IRAG2: variants seen among roughly 807,000 people sequenced by gnomAD.
IRAG2 encodes the protein lymphoid restricted membrane protein.
A neutral mutation model predicts 69.9 loss-of-function variants in IRAG2; 45 were observed. That is an observed-to-expected ratio of 0.64 (90% CI 0.51 to 0.83). The LOEUF (loss-of-function observed/expected upper bound fraction) is 0.83. IRAG2 is among the 40% of genes least tolerant of loss of function. The probability of loss-of-function intolerance (pLI) is 0.00; values close to 1 mark genes in which losing one functional copy is unlikely to be tolerated. For synonymous variants in IRAG2, 193 were observed against 202.4 expected (o/e 0.95, Z 0.40); for missense variants, 520 against 587.0 (o/e 0.89, Z 1.18).
intron 20 of IRAG2, among the ~76,000 whole-genome samples, chr12:25,106,395 ATATT>A (rs1394821447): frequency 5.5e-5 from 8 of 146,262 alleles, no homozygotes; most frequent in African/African-American, 1.5e-4. Context: ...ATGTGTGTAT[ATATT>A]ATAAACTTTG....
chr12:25,077,033 G>T (rs1458956887), intron 6 of IRAG2, among the ~76,000 whole-genome samples: 1 of 150,626 alleles, frequency 6.6e-6, no homozygotes, highest in African/African-American at 2.4e-5. Context: ...ACACCACTGT[G>T]CCCTGCTCAT....
intron 9 of IRAG2, among the ~76,000 whole-genome samples, chr12:25,080,634 G>T (rs919172742): frequency 2.0e-5 from 3 of 152,266 alleles, no homozygotes; most frequent in Non-Finnish European, 4.4e-5. Flanking sequence ...TTACAGGTGT[G>T]AGCCACCGCG....
At chr12:25,039,620 C>T (rs550653132) in intron 16 of IRAG2, among the ~76,000 whole-genome samples, 45 of 152,230 alleles carry the variant, frequency 3.0e-4, no homozygotes, top group Admixed American at 5.9e-4. Flanking sequence ...TTAGTAGAGA[C>T]GGGGTTTCAC....
exon 10 of IRAG2, chr12:25,030,295 TGAG>T: frequency 1.6e-6 from 2 of 1,231,722 alleles, no homozygotes; most frequent in Non-Finnish European, 2.0e-6. Flanking sequence ...TACACACATA[TGAG>T]AACACTTTGC....
upstream of IRAG2, among the ~76,000 whole-genome samples, chr12:25,000,990 A>G (rs1218633967): frequency 6.6e-6 from 1 of 152,226 alleles, no homozygotes; most frequent in Non-Finnish European, 1.5e-5. Context: ...GAGACAGGAG[A>G]TATTTCCAAG....
Position 25,061,617 on chromosome 12 carries a change from G to A in IRAG2, c.-421G>A, listed in dbSNP as rs1033886586. 4 of 398,454 alleles carry A rather than the reference G, an allele frequency of 1.0e-5. No homozygotes were observed. The highest frequency in any genetic ancestry group is 6.2e-4 in the Middle Eastern group (1 of 1,610). The allele number at this position is 398,454 out of a possible 1,614,324, so 24.7% of individuals were successfully genotyped here. On this transcript the variant is annotated 5_prime_UTR_variant, in exon 2 of 22. Coordinates refer to ENST00000556887, the MANE Select transcript of IRAG2 (RefSeq NM_001366544.2). ...CAACAATTGAGTCACTTCAAAAGGA[G>A]TTCATTGAAGGGGAACACCATGGCT...
At chr12:24,998,296 C>A in the IRAG2 span, among the ~76,000 whole-genome samples, 1 of 150,136 alleles carries the variant, frequency 6.7e-6, no homozygotes, top group Non-Finnish European at 1.5e-5. Flanking sequence ...CTAGCCTATA[C>A]CAGCTTGCAT....
chr12:25,006,598 T>G (rs1359919875), intron 2 of IRAG2, among the ~76,000 whole-genome samples: 2 of 152,200 alleles, frequency 1.3e-5, no homozygotes, highest in African/African-American at 4.8e-5. Flanking sequence ...TGGAGGCTAT[T>G]ATCCTAAGCG....
chr12:25,040,988 A>C (rs1315907730), intron 16 of IRAG2, among the ~76,000 whole-genome samples: 1 of 151,998 alleles, frequency 6.6e-6, no homozygotes, highest in Non-Finnish European at 1.5e-5. Context: ...ACAGAGAATG[A>C]CTGGGAGCAT....
At chr12:25,009,036 C>G (rs939659215) in intron 2 of IRAG2, among the ~76,000 whole-genome samples, 2 of 152,088 alleles carry the variant, frequency 1.3e-5, no homozygotes, top group Non-Finnish European at 2.9e-5. Context: ...GACATGGTAG[C>G]TCATGCCTGT....
At chr12:25,058,223 G>A (rs1945398602) in intron 1 of IRAG2, among the ~76,000 whole-genome samples, 2 of 152,180 alleles carry the variant, frequency 1.3e-5, no homozygotes, top group Non-Finnish European at 2.9e-5. Context: ...AGCAGTGTGG[G>A]TGGTTTTAGT....
chr12:25,007,807 C>A (rs1381387364), intron 2 of IRAG2, among the ~76,000 whole-genome samples: 3 of 152,194 alleles, frequency 2.0e-5, no homozygotes, highest in African/African-American at 7.2e-5. Context: ...CAGGTGTGAG[C>A]CACTGCACCC....
intron 16 of IRAG2, among the ~76,000 whole-genome samples, chr12:25,041,018 A>G (rs1441293362): frequency 3.5e-4 from 53 of 152,222 alleles, no homozygotes; most frequent in Non-Finnish European, 2.9e-5. Flanking sequence ...AATAGCCAGG[A>G]AAGTCCTGCC....
intron 3 of IRAG2, among the ~76,000 whole-genome samples, chr12:25,014,065 C>T (rs548492118): frequency 1.3e-5 from 2 of 151,160 alleles, no homozygotes; most frequent in South Asian, 2.1e-4. Flanking sequence ...TTAGTAGAGA[C>T]GGGGTTTCAC....
intron 10 of IRAG2, chr12:25,030,896 G>A (rs1565530083): frequency 3.1e-6 from 1 of 320,958 alleles, no homozygotes; most frequent in African/African-American, 2.3e-5. Flanking sequence ...TCATTTTAGG[G>A]TGGAAGAAGA....
chr12:25,107,259 T>C lies in IRAG2; in HGVS notation c.1256+209T>C, dbSNP rs532897313. On this transcript the variant is annotated intron_variant, in intron 21 of 21. Coordinates refer to ENST00000556887, the MANE Select transcript of IRAG2 (RefSeq NM_001366544.2). ...TACATTCACATAACTTTTACTGTAA[T>C]ATATGTTATATTCTATTTTATGTTA... Among the ~76,000 whole-genome samples, 8 of 152,318 alleles carry C rather than the reference T, an allele frequency of 5.3e-5. No homozygotes were observed. The East Asian group carries it at 1.5e-3, about 29-fold the overall frequency.
chr12:25,043,650 G>T (rs2139864061), intron 16 of IRAG2, among the ~76,000 whole-genome samples: 1 of 152,206 alleles, frequency 6.6e-6, no homozygotes, highest in East Asian at 1.9e-4. Context: ...AGATGCCTGG[G>T]GGCTGCTAGA....
Position 25,090,136 on chromosome 12 carries a change from C to T in IRAG2, c.545C>T (p.Ser182Phe), listed in dbSNP as rs773725382. The T allele has an allele frequency of 6.2e-7, 1 of 1,613,620 alleles. No homozygotes were observed. The highest frequency in any genetic ancestry group is 8.5e-7 in the Non-Finnish European group (1 of 1,179,578). The change falls in exon 14 of 22, where the codon TCC becomes TTC. Residue 182 changes from serine to phenylalanine, a missense_variant. Physicochemically the swap from Ser to Phe is radical, Grantham distance 155. Coordinates refer to ENST00000556887, the MANE Select transcript of IRAG2 (RefSeq NM_001366544.2). The part of the protein sequence containing the change: ...LEKRVKLEER[S>F]RDLAEENLKK... ...AAGAGAGTGAAGCTTGAAGAGAGGTCCCGTGACTTGGCAGAAGAAAATTTG... is the reference window on the plus strand; with the variant it reads ...AAGAGAGTGAAGCTTGAAGAGAGGTTCCGTGACTTGGCAGAAGAAAATTTG...
Position 25,083,505 on chromosome 12 carries a change from C to G in IRAG2, c.315+12C>G. 6.5e-7 allele frequency: 1 copy of G among 1,531,056 alleles called. No homozygotes were observed. The allele number at this position is 1,531,056 out of a possible 1,614,324, so 94.8% of individuals were successfully genotyped here. ...CCATATTAAATCTGGTAAGGAAATACGTATGTTCACAACAAAGGTGGTGGT... is the reference window on the plus strand; with the variant it reads ...CCATATTAAATCTGGTAAGGAAATAGGTATGTTCACAACAAAGGTGGTGGT... On this transcript the variant is annotated intron_variant, in intron 10 of 21. Transcript: ENST00000556887.
Sources: allele counts gnomAD v4.1 joint callset (sites outside exome capture counted in the v4.1 genomes callset), GRCh38; gene constraint gnomAD v4.1.1; transcripts MANE v1.5; gene names NCBI Gene and HGNC (gene_info 2026-07-23, HGNC 2026-07-21).